The following PDE8B variants were observed in gnomAD, a reference collection of about 807,000 sequenced individuals.
The protein encoded by PDE8B is high affinity cAMP-specific and IBMX-insensitive 3',5'-cyclic phosphodiesterase 8B.
In PDE8B, 26 loss-of-function variants were observed where a neutral mutation model predicts 101.3. The observed-to-expected ratio is 0.26, with a 90% CI of 0.19 to 0.36. The LOEUF is 0.36. Among genes scored for constraint, PDE8B ranks in the 10% least tolerant of loss-of-function variants. PDE8B has a pLI of 1.00. For synonymous variants in PDE8B, 424 were observed against 429.3 expected, an observed-to-expected ratio of 0.99 and a Z score of 0.15; for missense variants, 810 against 1,163.1, an observed-to-expected ratio of 0.70 and a Z score of 4.42.
the PDE8B span, among the ~76,000 whole-genome samples, chr5:77,194,369 GAT>G: frequency 6.6e-6 from 1 of 152,178 alleles, no homozygotes. Flanking sequence ...CTATCGAAAT[GAT>G]GTTTGTTTTT....
chr5:77,279,667 G>A (rs1238156289), intron 1 of PDE8B, among the ~76,000 whole-genome samples: 2 of 152,170 alleles, frequency 1.3e-5, no homozygotes, highest in Admixed American at 1.3e-4. Flanking sequence ...GCAGACTCAG[G>A]CCCAGAGAGG....
the PDE8B span, among the ~76,000 whole-genome samples, chr5:77,171,251 A>T: frequency 8.6e-4 from 131 of 152,294 alleles, no homozygotes; most frequent in African/African-American, 3.0e-3. Flanking sequence ...ACAGGTGGGA[A>T]ACCTGAGGTC....
intron 20 of PDE8B, among the ~76,000 whole-genome samples, chr5:77,425,558 C>CA (rs953404757): frequency 6.6e-5 from 10 of 151,798 alleles, no homozygotes; most frequent in South Asian, 2.1e-4. Flanking sequence ...GTCTCAAAAA[C>CA]AAAAAAAGAG....
chr5:77,331,670 A>G lies in PDE8B; in HGVS notation c.708+211A>G, dbSNP rs75681166. On this transcript the variant is annotated intron_variant, in intron 5 of 21. Coordinates refer to ENST00000264917, the MANE Select transcript of PDE8B (RefSeq NM_003719.5). Reference sequence around the variant, plus strand: ...TTTTTGCTCTCTGGGTTATTTCCATATATCTTAGCAATAGATATACAATGA... The same window carrying G: ...TTTTTGCTCTCTGGGTTATTTCCATGTATCTTAGCAATAGATATACAATGA... Among the ~76,000 whole-genome samples the G allele has an allele frequency of 2.7e-3, 405 of 152,340 alleles. 2 individuals carry two copies. Among genetic ancestry groups the G allele is most frequent in the African/African-American group, 9.2e-3 (384 of 41,582 alleles).
intron 1 of PDE8B, among the ~76,000 whole-genome samples, chr5:77,307,852 C>G (rs1771615140): frequency 6.6e-6 from 1 of 152,164 alleles, no homozygotes; most frequent in South Asian, 2.1e-4. Context: ...ATTATGTTAC[C>G]TATGCCCCCA....
Position 77,331,463 on chromosome 5 carries a change from T to G in PDE8B, c.708+4T>G, listed in dbSNP as rs771910344. ...TCTCCACGCAGGCTTCAACAGGGTA[T>G]GTACAAGATATCCAGCATCTCTCTC... On this transcript the variant is annotated splice_donor_region_variant and intron_variant, in intron 5 of 21. Transcript: ENST00000264917. 2 of 1,609,770 alleles carry G rather than the reference T, an allele frequency of 1.2e-6. No individual in the cohort carries two copies. The highest frequency in any genetic ancestry group is 1.7e-6 in the Non-Finnish European group (2 of 1,176,258).
chr5:77,199,225 T>C, the PDE8B span, among the ~76,000 whole-genome samples: 7 of 152,180 alleles, frequency 4.6e-5, no homozygotes, highest in African/African-American at 1.7e-4. Flanking sequence ...CTATTAAAAA[T>C]GTAATCAGTG....
chr5:77,139,217 C>A, the PDE8B span: 1 of 152,234 alleles, frequency 6.6e-6, no homozygotes, highest in African/African-American at 2.4e-5. Flanking sequence ...GCAGGGAGCC[C>A]CCCTGGACTG....
At position 77,413,203 on chromosome 5, in the gene PDE8B, A is replaced by G. The variant is rs1794894621; in HGVS notation, c.1805A>G (p.Gln602Arg). Residue 602 changes from glutamine (Q) to arginine (R), a missense_variant, in exon 17 of 22, where the codon CAA (glutamine) becomes CGA (arginine). Gln to Arg is a conservative substitution (Grantham distance 43). This residue lies in a region of PDE8B where 325 missense variants were observed against 560.9 expected (regional missense o/e 0.58). Coordinates refer to ENST00000264917, the MANE Select transcript of PDE8B (RefSeq NM_003719.5). ...GAAACCACTCTTCGGGCCTGGTTCCAAGTGATCGAAGCCAACTACCACTCT... is the reference window on the plus strand; with the variant it reads ...GAAACCACTCTTCGGGCCTGGTTCCGAGTGATCGAAGCCAACTACCACTCT... Reference protein sequence around the residue: ...CSETTLRAWFQVIEANYHSSN... With the variant: ...CSETTLRAWFRVIEANYHSSN... The G allele has an allele frequency of 6.2e-7, 1 of 1,613,936 alleles. No individual in the cohort carries two copies. The highest frequency in any genetic ancestry group is 1.3e-5 in the African/African-American group (1 of 74,886).
chr5:77,329,185 T>C (rs1309440986), intron 4 of PDE8B, 128 bp downstream of exon 4: 2 of 725,102 alleles, frequency 2.8e-6, no homozygotes. Flanking sequence ...CAGCCTTAGA[T>C]CTTGATCTTG....
chr5:77,124,915 A>G, the PDE8B span, among the ~76,000 whole-genome samples: 1 of 152,180 alleles, frequency 6.6e-6, no homozygotes, highest in Non-Finnish European at 1.5e-5. Context: ...AAGGAGGGAG[A>G]AAAATGTTTG....
At chr5:77,100,549 G>A in the PDE8B span, among the ~76,000 whole-genome samples, 1 of 152,134 alleles carries the variant, frequency 6.6e-6, no homozygotes, top group Non-Finnish European at 1.5e-5. Flanking sequence ...GCTTATACTT[G>A]GAAAAGCAAA....
chr5:77,199,835 A>C, the PDE8B span, among the ~76,000 whole-genome samples: 5 of 152,330 alleles, frequency 3.3e-5, no homozygotes, highest in African/African-American at 1.2e-4. Flanking sequence ...GCTACCTCCG[A>C]AGTGGCAGCC....
chr5:77,321,821 C>G (rs985898185), intron 2 of PDE8B, among the ~76,000 whole-genome samples: 1 of 152,092 alleles, frequency 6.6e-6, no homozygotes, highest in African/African-American at 2.4e-5. Flanking sequence ...CCTTACCATA[C>G]CTAAATAATA....
At chr5:77,309,492 A>C (rs1052190509) in intron 1 of PDE8B, among the ~76,000 whole-genome samples, 18 of 152,048 alleles carry the variant, frequency 1.2e-4, no homozygotes, top group African/African-American at 4.3e-4. Context: ...ATTTTGCTGG[A>C]GAAATCATTC....
Position 77,335,918 on chromosome 5 carries a change from A to G in PDE8B, c.709-1309A>G, listed in dbSNP as rs544713901. Among the ~76,000 whole-genome samples the G allele has an allele frequency of 1.1e-4, 16 of 152,074 alleles. No homozygotes were observed. In the East Asian group the frequency reaches 2.3e-3, roughly 22 times the overall value. ...CTGATTTCATTATTTCTCATTAAGTATTGATGTGATCATGTCAGAGAAGTG... is the reference window on the plus strand; with the variant it reads ...CTGATTTCATTATTTCTCATTAAGTGTTGATGTGATCATGTCAGAGAAGTG... On this transcript the variant is annotated intron_variant, in intron 5 of 21. Transcript: ENST00000264917.
At chr5:77,315,900 G>GT (rs1426958928) in intron 2 of PDE8B, among the ~76,000 whole-genome samples, 1 of 150,846 alleles carries the variant, frequency 6.6e-6, no homozygotes, top group Non-Finnish European at 1.5e-5. Context: ...ATCTTTTTCT[G>GT]TTTTTTTCTT....
chr5:77,120,862 A>G, the PDE8B span, among the ~76,000 whole-genome samples: 1 of 152,224 alleles, frequency 6.6e-6, no homozygotes, highest in South Asian at 2.1e-4. Flanking sequence ...GTCAGTGCTT[A>G]AAGCCCTCTT....
chr5:77,161,082 A>G, the PDE8B span, among the ~76,000 whole-genome samples: 1 of 152,254 alleles, frequency 6.6e-6, no homozygotes, highest in Non-Finnish European at 1.5e-5. Context: ...AGTGTAATTT[A>G]TATAATTTAC....
Sources: allele counts gnomAD v4.1 joint callset (sites outside exome capture counted in the v4.1 genomes callset), GRCh38; gene constraint gnomAD v4.1.1; regional missense constraint gnomAD v4.1.1; transcripts MANE v1.5; gene names NCBI Gene and HGNC (gene_info 2026-07-23, HGNC 2026-07-21).